Variants in FAM117A observed in about 807,000 individuals in gnomAD.
FAM117A encodes the protein family with sequence similarity 117 member A, also known as protein FAM117A.
In FAM117A, 21 loss-of-function variants were observed where a neutral mutation model predicts 44.1. That is an observed-to-expected ratio of 0.48 (90% CI 0.34 to 0.69). The LOEUF is 0.69. Among genes scored for constraint, FAM117A ranks in the 30% least tolerant of loss-of-function variants. The pLI is 0.01. For missense variants in FAM117A, 498 were observed against 589.9 expected, an observed-to-expected ratio of 0.84 and a Z score of 1.61; for synonymous variants, 220 against 238.3, an observed-to-expected ratio of 0.92 and a Z score of 0.71.
At chr17:49,781,509 T>C (rs2073789383) in intron 1 of FAM117A, among the ~76,000 whole-genome samples, 1 of 152,190 alleles carries the variant, frequency 6.6e-6, no homozygotes, top group Non-Finnish European at 1.5e-5. Flanking sequence ...GAGCTATGGA[T>C]GCATGCAGAC....
chr17:49,750,776 CA>C (rs1193585633), intron 1 of FAM117A, among the ~76,000 whole-genome samples: 3 of 151,638 alleles, frequency 2.0e-5, no homozygotes, highest in African/African-American at 7.3e-5. Context: ...AACTCCATCT[CA>C]AAAAAAGATG....
At chr17:49,742,780 A>T (rs1232187950) in intron 1 of FAM117A, among the ~76,000 whole-genome samples, 5 of 152,234 alleles carry the variant, frequency 3.3e-5, no homozygotes, top group Non-Finnish European at 7.3e-5. Flanking sequence ...TCTGATTTCC[A>T]TCAAGTAGGA....
intron 1 of FAM117A, among the ~76,000 whole-genome samples, chr17:49,760,355 A>G (rs2073717989): frequency 6.6e-6 from 1 of 152,236 alleles, no homozygotes; most frequent in African/African-American, 2.4e-5. Flanking sequence ...ACTTTTCTGT[A>G]AAGTGACATA....
In FAM117A at chr17:49,732,269, G is replaced by A. The variant is rs1199228269; in HGVS notation, c.366+282C>T. 11 of 256,600 alleles carry A rather than the reference G, an allele frequency of 4.3e-5. No individual in the cohort carries two copies. The East Asian group carries it at 5.4e-4, about 13-fold the overall frequency. 15.9% of individuals were successfully genotyped at this position (256,600 alleles called of 1,614,324 possible). A position where few individuals can be genotyped will look rare whatever the true frequency, so the allele number is the denominator to read the frequency against. ...AACGGTGGTAAATTAGCAGGGCGTG[G>A]TAGCAGGCACCTGTAATCCCAGCCA... On this transcript the variant is annotated intron_variant, in intron 2 of 7. Transcript: ENST00000240364.
At chr17:49,739,435 G>T (rs965977490) in intron 1 of FAM117A, among the ~76,000 whole-genome samples, 2 of 152,206 alleles carry the variant, frequency 1.3e-5, no homozygotes, top group African/African-American at 4.8e-5. Flanking sequence ...AGCATCAGCA[G>T]CTTCAGGTCA....
At chr17:49,787,529 T>C (rs1411072450) in intron 1 of FAM117A, among the ~76,000 whole-genome samples, 1 of 152,226 alleles carries the variant, frequency 6.6e-6, no homozygotes, top group Non-Finnish European at 1.5e-5. Flanking sequence ...TTCTGCTTCT[T>C]TGTTCTTTAG....
intron 1 of FAM117A, among the ~76,000 whole-genome samples, chr17:49,740,531 G>A (rs534973531): frequency 5.3e-5 from 8 of 152,332 alleles, no homozygotes; most frequent in Non-Finnish European, 1.0e-4. Flanking sequence ...TTACAGGCGT[G>A]AGCCACTGCA....
At position 49,720,365 on chromosome 17, in the gene FAM117A, T is replaced by C; in HGVS notation, c.534A>G (p.Ser178=). 6.2e-7 allele frequency: 1 copy of C among 1,613,896 alleles called. No individual in the cohort carries two copies. Among genetic ancestry groups the C allele is most frequent in the Non-Finnish European group, 8.5e-7 (1 of 1,179,992 alleles). ...SRSGKEKERG[S]PLLGDHAVRG... Reference sequence around the variant, plus strand: ...GCACTGCGTGGTCCCCTAGGAGTGGTGAACCTCGCTCCTTCTCTTTCCCAC... The same window carrying C: ...GCACTGCGTGGTCCCCTAGGAGTGGCGAACCTCGCTCCTTCTCTTTCCCAC... The change falls in exon 4 of 8, where the codon TCA becomes TCG. Residue 178 remains serine, a synonymous_variant. Transcript: ENST00000240364.
intron 1 of FAM117A, among the ~76,000 whole-genome samples, chr17:49,759,792 G>C (rs981682053): frequency 2.0e-5 from 3 of 152,130 alleles, no homozygotes; most frequent in African/African-American, 7.2e-5. Context: ...TCGTATTCAC[G>C]AAACAGCCAT....
intron 1 of FAM117A, among the ~76,000 whole-genome samples, chr17:49,786,752 G>A (rs1395753021): frequency 1.3e-5 from 2 of 148,388 alleles, no homozygotes; most frequent in Non-Finnish European, 3.0e-5. Context: ...CCTCCAGCCT[G>A]GCAACAAGAG....
At chr17:49,724,475 G>T (rs2073550152) in intron 2 of FAM117A, 1 of 456,154 alleles carries the variant, frequency 2.2e-6, no homozygotes, top group Non-Finnish European at 4.4e-6. Context: ...AACTCTTCAA[G>T]TACCTCTTTC....
chr17:49,733,494 GA>G (rs1044274516), intron 1 of FAM117A, among the ~76,000 whole-genome samples: 5 of 151,874 alleles, frequency 3.3e-5, no homozygotes, highest in African/African-American at 1.2e-4. Context: ...CTAACATGGT[GA>G]AACCCCATCT....
At chr17:49,779,771 A>G (rs73335289) in intron 1 of FAM117A, among the ~76,000 whole-genome samples, 6,238 of 152,300 alleles carry the variant, frequency 0.041, 444 homozygotes, top group African/African-American at 0.14. Context: ...TTCCAGGGGT[A>G]TTAATGGAAG....
chr17:49,782,263 G>C (rs1598040089), intron 1 of FAM117A, among the ~76,000 whole-genome samples: 1 of 150,738 alleles, frequency 6.6e-6, no homozygotes, highest in East Asian at 2.0e-4. Flanking sequence ...TGTAGTCCCA[G>C]CTACTCGGGA....
At chr17:49,735,990 A>G (rs1215554926) in intron 1 of FAM117A, among the ~76,000 whole-genome samples, 3 of 152,218 alleles carry the variant, frequency 2.0e-5, no homozygotes, top group African/African-American at 7.2e-5. Context: ...TATAAATATA[A>G]ACAAACAGAA....
In FAM117A at chr17:49,724,822, GAAAAAA is replaced by G. The variant is rs906558600; in HGVS notation, c.367-2234_367-2229del. On this transcript the variant is annotated intron_variant, in intron 2 of 7. Transcript: ENST00000240364. ...GGGCGACAGAGCAAGACAGTCTCAA[GAAAAAA>G]AAAAAAAAAAAGAAAGAAAGAAAAA... is the stretch of plus-strand genomic sequence containing the variant. Among the ~76,000 whole-genome samples the G allele has an allele frequency of 9.2e-5, 4 of 43,608 alleles. No homozygotes were observed. The South Asian group carries it at 3.2e-3, about 35-fold the overall frequency. The allele number at this position is 43,608 out of a possible 152,430, so 28.6% of individuals were successfully genotyped here. A position where few individuals can be genotyped will look rare whatever the true frequency, so the allele number is the denominator to read the frequency against.
At chr17:49,782,186 T>C (rs2073791478) in intron 1 of FAM117A, among the ~76,000 whole-genome samples, 1 of 151,130 alleles carries the variant, frequency 6.6e-6, no homozygotes, top group African/African-American at 2.4e-5. Flanking sequence ...CCATCCTGGC[T>C]AACACAATGA....
chr17:49,741,893 C>T (rs1434143391), intron 1 of FAM117A, among the ~76,000 whole-genome samples: 3 of 151,974 alleles, frequency 2.0e-5, no homozygotes, highest in Non-Finnish European at 4.4e-5. Flanking sequence ...GAAGTTGTGG[C>T]GAAACTGAAA....
intron 1 of FAM117A, among the ~76,000 whole-genome samples, chr17:49,769,226 C>T (rs1029665613): frequency 5.9e-5 from 9 of 152,060 alleles, no homozygotes; most frequent in African/African-American, 9.6e-5. Flanking sequence ...ACCCGGGAGG[C>T]GGAGGCTGCA....
Sources: gnomAD v4.1 joint callset for allele counts (sites outside exome capture counted in the v4.1 genomes callset) on GRCh38, gnomAD v4.1.1 for gene constraint, MANE v1.5 for transcripts, NCBI Gene and HGNC (gene_info 2026-07-23, HGNC 2026-07-21) for gene names.